The following SLC30A10 variants were observed in gnomAD, a reference collection of about 807,000 sequenced individuals.
The protein encoded by SLC30A10 is calcium/manganese antiporter SLC30A10.
In SLC30A10, 8 loss-of-function variants were observed where a neutral mutation model predicts 21.7. The ratio of observed to expected loss-of-function variants is 0.37; its 90% CI spans 0.22 to 0.67. SLC30A10 has a LOEUF of 0.67. Among genes scored for constraint, SLC30A10 ranks in the 30% least tolerant of loss-of-function variants. The pLI is 0.58. For synonymous variants in SLC30A10, 272 were observed against 279.4 expected (o/e 0.97, Z 0.26); for missense variants, 521 against 642.5 (o/e 0.81, Z 2.04).
chr1:219,937,151 T>A (rs553410377), intron 1 of SLC30A10, among the ~76,000 whole-genome samples: 135 of 152,338 alleles, frequency 8.9e-4, no homozygotes, highest in Non-Finnish European at 1.7e-3. Flanking sequence ...TTTATTTTAT[T>A]TCTGAGAACT....
chr1:219,915,818 G>A lies in SLC30A10; in HGVS notation c.1089C>T (p.Ser363=). ...GGTGGAAGATTTCTCGAATTTTTGT[G>A]CTGGCATCTTGATATCCCCTGTCCT... The part of the protein sequence containing the change: ...YPKDRGYQDA[S]TKIREIFHHA... The change falls in exon 4 of 4, where the codon AGC becomes AGT. Residue 363 remains serine, a synonymous_variant. Transcript: ENST00000366926. The A allele has an allele frequency of 6.2e-7, 1 of 1,614,182 alleles. No homozygotes were observed. The highest frequency in any genetic ancestry group is 8.5e-7 in the Non-Finnish European group (1 of 1,180,030).
At chr1:219,923,754 T>G (rs561044029) in intron 2 of SLC30A10, among the ~76,000 whole-genome samples, 1 of 152,152 alleles carries the variant, frequency 6.6e-6, no homozygotes, top group East Asian at 1.9e-4. Context: ...GAAGACAGAG[T>G]GTGTTCCTTA....
At chr1:219,936,498 T>TAGGC (rs568208971) in intron 1 of SLC30A10, among the ~76,000 whole-genome samples, 585 of 152,226 alleles carry the variant, frequency 3.8e-3, no homozygotes, top group Middle Eastern at 0.01. Flanking sequence ...GATACAGAGG[T>TAGGC]AGGCACGTAC....
chr1:219,948,274 A>G (rs1436355673), intron 1 of SLC30A10, among the ~76,000 whole-genome samples: 2 of 150,642 alleles, frequency 1.3e-5, no homozygotes, highest in African/African-American at 4.9e-5. Flanking sequence ...TAAAGTTCAT[A>G]TGGAACCAAA....
rs1164535981 is a variant in SLC30A10 at position 219,925,632 on chromosome 1, C to CATATATATATATATAT, written c.718+1380_718+1395dup. Among the ~76,000 whole-genome samples, 135 of 68,870 alleles carry CATATATATATATATAT rather than the reference C, an allele frequency of 2.0e-3. 4 individuals are homozygous for CATATATATATATATAT. Among genetic ancestry groups the CATATATATATATATAT allele is most frequent in the East Asian group, 4.6e-3 (7 of 1,522 alleles). The allele number at this position is 68,870 out of a possible 152,430, so 45.2% of individuals were successfully genotyped here. A position where few individuals can be genotyped will look rare whatever the true frequency, so the allele number is the denominator to read the frequency against. ...CTTAAAATTTATGTGTGTGTGTGTA[C>CATATATATATATATAT]ATATATATATATATATATATTTTTT... is the stretch of plus-strand genomic sequence containing the variant. On this transcript the variant is annotated intron_variant, in intron 2 of 3. Coordinates refer to ENST00000366926, the MANE Select transcript of SLC30A10 (RefSeq NM_018713.3).
intron 1 of SLC30A10, among the ~76,000 whole-genome samples, chr1:219,943,180 A>G (rs1177882127): frequency 2.6e-5 from 4 of 152,248 alleles, no homozygotes. Flanking sequence ...TACATAATAT[A>G]AACAAAGTAT....
At chr1:219,948,237 T>A (rs1660216681) in intron 1 of SLC30A10, among the ~76,000 whole-genome samples, 1 of 150,376 alleles carries the variant, frequency 6.6e-6, no homozygotes, top group South Asian at 2.1e-4. Flanking sequence ...CCAATGACTT[T>A]CTTCACAGAA....
chr1:219,929,624 G>A (rs1202116562), upstream of SLC30A10, among the ~76,000 whole-genome samples: 1 of 151,968 alleles, frequency 6.6e-6, no homozygotes, highest in South Asian at 2.1e-4. Context: ...GGATTCAAGC[G>A]ATTCTCCTGC....
Position 219,927,791 on chromosome 1 carries a change from C to T in SLC30A10, c.640+10G>A, listed in dbSNP as rs79328219. 7.8e-3 allele frequency: 12,004 copies of T among 1,532,080 alleles called. 87 individuals are homozygous for T. The highest frequency in any genetic ancestry group is 0.044 in the Middle Eastern group (260 of 5,906). 94.9% of individuals were successfully genotyped at this position (1,532,080 alleles called of 1,614,324 possible). A position where few individuals can be genotyped will look rare whatever the true frequency, so the allele number is the denominator to read the frequency against. On this transcript the variant is annotated intron_variant, in intron 1 of 3. Transcript: ENST00000366926. ...GGCCAAGCGGTCCAAAGGATGCAAC[C>T]GAAAGGCACCTGCTACGTTTGCGAA...
intron 1 of SLC30A10, among the ~76,000 whole-genome samples, chr1:219,954,576 A>G (rs1333340644): frequency 2.0e-5 from 3 of 148,630 alleles, no homozygotes; most frequent in African/African-American, 7.4e-5. Flanking sequence ...GTTACTTGGG[A>G]GGCCGAGGCA....
At chr1:219,936,166 C>T (rs998426751) in intron 1 of SLC30A10, among the ~76,000 whole-genome samples, 1 of 152,104 alleles carries the variant, frequency 6.6e-6, no homozygotes, top group Non-Finnish European at 1.5e-5. Flanking sequence ...TATTGTACAA[C>T]TTGGACCAGT....
chr1:219,954,411 G>T (rs1311365175), intron 1 of SLC30A10, among the ~76,000 whole-genome samples: 5 of 152,064 alleles, frequency 3.3e-5, no homozygotes, highest in African/African-American at 1.2e-4. Flanking sequence ...CGGGCACAGT[G>T]GTTCACACCT....
intron 1 of SLC30A10, among the ~76,000 whole-genome samples, chr1:219,933,687 G>A (rs1660001969): frequency 6.6e-6 from 1 of 152,162 alleles, no homozygotes; most frequent in African/African-American, 2.4e-5. Flanking sequence ...ATCACCTGGA[G>A]TTTTAAATCC....
rs1175264123 is a variant in SLC30A10, at chr1:219,915,187, T to A, written c.*262A>T. On this transcript the variant is annotated 3_prime_UTR_variant, in exon 4 of 4. Coordinates refer to ENST00000366926, the MANE Select transcript of SLC30A10 (RefSeq NM_018713.3). ...TTAATGTCCCTGATATATACACTAG[T>A]GCAGTTTGCTTTAGAAAATGCATGT... is the stretch of plus-strand genomic sequence containing the variant. 11 of 490,358 alleles carry A rather than the reference T, an allele frequency of 2.2e-5. No individual in the cohort carries two copies. Among genetic ancestry groups the A allele is most frequent in the East Asian group, 1.9e-4 (5 of 26,944 alleles). 30.4% of individuals were successfully genotyped at this position (490,358 alleles called of 1,614,324 possible). A position where few individuals can be genotyped will look rare whatever the true frequency, so the allele number is the denominator to read the frequency against.
In SLC30A10 at chr1:219,918,425, T is replaced by C. The variant is rs1467018154; in HGVS notation, c.788A>G (p.Tyr263Cys). 1 of 1,613,762 alleles carries C rather than the reference T, an allele frequency of 6.2e-7. No individual in the cohort carries two copies. Among genetic ancestry groups the C allele is most frequent in the Non-Finnish European group, 8.5e-7 (1 of 1,179,952 alleles). The change falls in exon 3 of 4, where the codon TAT (tyrosine) becomes TGT (cysteine). Residue 263 changes from tyrosine (Y) to cysteine (C), a missense_variant. Coordinates refer to ENST00000366926, the MANE Select transcript of SLC30A10 (RefSeq NM_018713.3). This position sits in a 1 kb window ranked among gnomAD's most constrained non-coding sequence, Gnocchi z 4.4. ...GTCCTCACTCTTCAGGGGAAGCACA[T>C]AGAATATGATGGCCGTGATGACCAC... is the stretch of plus-strand genomic sequence containing the variant. ...VVVVITAIIF[Y>C]VLPLKSEDPC...
At chr1:219,917,708 C>CTTTTTTTTTTTTTTTTTTT (rs35106027) in intron 3 of SLC30A10, among the ~76,000 whole-genome samples, 9 of 104,076 alleles carry the variant, frequency 8.6e-5, no homozygotes, top group East Asian at 2.6e-4. Context: ...TTTTTCTTTC[C>CTTTTTTTTTTTTTTTTTTT]TTTTTTTTTT....
At chr1:219,921,224 G>A (rs769346687) in intron 2 of SLC30A10, among the ~76,000 whole-genome samples, 11 of 152,158 alleles carry the variant, frequency 7.2e-5, no homozygotes, top group Admixed American at 2.0e-4. Flanking sequence ...ATGAGTCCCG[G>A]AATGGCCATT....
At position 219,913,964 on chromosome 1, in the gene SLC30A10, T is replaced by C. The variant is rs547338568; in HGVS notation, c.*1485A>G. The C allele has an allele frequency of 6.6e-6, 1 of 152,304 alleles. No individual in the cohort carries two copies. The highest frequency in any genetic ancestry group is 1.9e-4 in the East Asian group (1 of 5,180). The allele number at this position is 152,304 out of a possible 1,614,324, so 9.4% of individuals were successfully genotyped here. On this transcript the variant is annotated 3_prime_UTR_variant, in exon 4 of 4. Transcript: ENST00000366926. ...TTCCTATCCTACGGATCATAGCTGC[T>C]TATTTATTTTAGCCTTCAAATTTAG... is the stretch of plus-strand genomic sequence containing the variant.
chr1:219,941,644 C>G (rs999578071), intron 1 of SLC30A10, among the ~76,000 whole-genome samples: 4 of 149,180 alleles, frequency 2.7e-5, no homozygotes, highest in African/African-American at 5.0e-5. Context: ...TTCCTTCCTT[C>G]CTTCTCTCCC....
Sources: allele counts gnomAD v4.1 joint callset (sites outside exome capture counted in the v4.1 genomes callset), GRCh38; gene constraint gnomAD v4.1.1; non-coding constraint Gnocchi (gnomAD v3.1); transcripts MANE v1.5; gene names NCBI Gene and HGNC (gene_info 2026-07-23, HGNC 2026-07-21).